The following KCNIP4 variants were observed in gnomAD, a reference collection of about 807,000 sequenced individuals.
The protein encoded by KCNIP4 is Kv channel-interacting protein 4.
In KCNIP4, 12 loss-of-function variants were observed where a neutral mutation model predicts 34.0. The ratio of observed to expected loss-of-function variants is 0.35; its 90% CI spans 0.23 to 0.57. The LOEUF is 0.57. Ranked by LOEUF, KCNIP4 falls within the 20% of genes least tolerant of loss-of-function variation. The probability of loss-of-function intolerance (pLI) is 0.83; values close to 1 mark genes in which losing one functional copy is unlikely to be tolerated. For missense variants in KCNIP4, 238 were observed against 311.7 expected (o/e 0.76, Z 1.78); for synonymous variants, 124 against 102.2 (o/e 1.21, Z -1.29).
chr4:21,218,549 T>A (rs970337022), intron 1 of KCNIP4, among the ~76,000 whole-genome samples: 1 of 152,122 alleles, frequency 6.6e-6, no homozygotes, highest in Non-Finnish European at 1.5e-5. Flanking sequence ...TGGGTCTCAG[T>A]TTTTATATCC....
rs113339066 is a variant in KCNIP4 at position 21,854,693 on chromosome 4, A to C, written c.61+93878T>G. On this transcript the variant is annotated intron_variant, in intron 1 of 8. Coordinates refer to ENST00000382152, the MANE Select transcript of KCNIP4 (RefSeq NM_025221.6). The stretch of plus-strand genomic sequence containing the variant: ...TCATCTCTAATGTTTGCTAGAATTG[A>C]CTCCTAAACCATATTCTAAGCGATT... Among the ~76,000 whole-genome samples the C allele has an allele frequency of 7.9e-3, 1,205 of 152,092 alleles. 16 individuals carry two copies. Among genetic ancestry groups the C allele is most frequent in the African/African-American group, 0.027 (1,140 of 41,474 alleles).
chr4:21,603,800 T>C (rs1743411327), intron 1 of KCNIP4, among the ~76,000 whole-genome samples: 1 of 152,132 alleles, frequency 6.6e-6, no homozygotes. Flanking sequence ...TTTAACAAAA[T>C]CAAAACTATA....
At chr4:21,178,136 A>G (rs1396393498) in intron 1 of KCNIP4, among the ~76,000 whole-genome samples, 1 of 152,104 alleles carries the variant, frequency 6.6e-6, no homozygotes, top group Non-Finnish European at 1.5e-5. Context: ...CTTCATTACA[A>G]CACAGTTTAA....
chr4:21,259,643 C>A (rs917222423), intron 1 of KCNIP4, among the ~76,000 whole-genome samples: 1 of 152,122 alleles, frequency 6.6e-6, no homozygotes, highest in African/African-American at 2.4e-5. Context: ...ATGATGGATA[C>A]AGCAATGAAG....
intron 1 of KCNIP4, among the ~76,000 whole-genome samples, chr4:21,757,868 G>A (rs529577487): frequency 5.3e-5 from 8 of 152,286 alleles, no homozygotes; most frequent in African/African-American, 1.7e-4. Context: ...CCACAGGTGA[G>A]CTGAGTATTG....
At chr4:21,327,965 A>C (rs1420358411) in intron 1 of KCNIP4, among the ~76,000 whole-genome samples, 1 of 152,098 alleles carries the variant, frequency 6.6e-6, no homozygotes, top group East Asian at 1.9e-4. Context: ...TCTCTGGGTT[A>C]TCTTGAATTA....
At chr4:21,913,516 G>C (rs1728457650) in intron 1 of KCNIP4, among the ~76,000 whole-genome samples, 1 of 152,054 alleles carries the variant, frequency 6.6e-6, no homozygotes. Flanking sequence ...CCAGCCTCCA[G>C]AACTGTGAGA....
intron 1 of KCNIP4, among the ~76,000 whole-genome samples, chr4:20,897,149 CAT>C (rs1462836777): frequency 2.6e-5 from 4 of 152,080 alleles, no homozygotes; most frequent in African/African-American, 7.2e-5. Flanking sequence ...TAATTAATCA[CAT>C]GTTTATTGAA....
Position 20,792,790 on chromosome 4 carries a change from T to C in KCNIP4, c.289-33900A>G, listed in dbSNP as rs368468911. Among the ~76,000 whole-genome samples the C allele has an allele frequency of 5.3e-5, 8 of 152,020 alleles. 1 individual carries two copies. The South Asian group carries it at 1.0e-3, about 20-fold the overall frequency. ...AATATGATAAAATTACAAAGAGAAA[T>C]AGATGCATCAAAATAGAGTCAGAAA... On this transcript the variant is annotated intron_variant, in intron 3 of 8. Transcript: ENST00000382152.
intron 1 of KCNIP4, among the ~76,000 whole-genome samples, chr4:21,039,251 A>C (rs1294882120): frequency 6.6e-6 from 1 of 151,954 alleles, no homozygotes; most frequent in Admixed American, 6.6e-5. Flanking sequence ...AATCCCAGCT[A>C]CTCAGGAGGC....
chr4:20,749,364 ATAAGGAGGTGTCAG>A (rs749634334), intron 5 of KCNIP4, among the ~76,000 whole-genome samples: 1 of 152,166 alleles, frequency 6.6e-6, no homozygotes, highest in Non-Finnish European at 1.5e-5. Context: ...CAACTGGCCC[ATAAGGAGGTGTCAG>A]TAACTGTTAG....
chr4:21,134,489 A>G (rs1751347465), intron 1 of KCNIP4, among the ~76,000 whole-genome samples: 1 of 152,214 alleles, frequency 6.6e-6, no homozygotes, highest in African/African-American at 2.4e-5. Flanking sequence ...AACGTTATAC[A>G]TGAATTTTCA....
chr4:20,986,302 C>T (rs1216238581), intron 1 of KCNIP4, among the ~76,000 whole-genome samples: 2 of 152,148 alleles, frequency 1.3e-5, no homozygotes, highest in African/African-American at 4.8e-5. Context: ...TTTTGAATAA[C>T]ATATTTATAA....
At position 21,634,223 on chromosome 4, in the gene KCNIP4, C is replaced by CAAAAAAAAAAAAAAAAAAA. The variant is rs376741978; in HGVS notation, c.61+314329_61+314347dup. Among the ~76,000 whole-genome samples, 5 of 112,486 alleles carry CAAAAAAAAAAAAAAAAAAA rather than the reference C, an allele frequency of 4.4e-5. No homozygotes were observed. The South Asian group carries it at 1.7e-3, about 38-fold the overall frequency. The allele number at this position is 112,486 out of a possible 152,430, so 73.8% of individuals were successfully genotyped here. On this transcript the variant is annotated intron_variant, in intron 1 of 8. Coordinates refer to ENST00000382152, the MANE Select transcript of KCNIP4 (RefSeq NM_025221.6). ...TTAGGAAAGCTACGGGTTCTTTCCT[C>CAAAAAAAAAAAAAAAAAAA]AAAAAAAAAAAAAAAAAAAAAAAAC...
chr4:20,858,211 CAAAAAAAAAAAAAAAAA>C (rs778798968), intron 2 of KCNIP4, among the ~76,000 whole-genome samples: 16 of 70,702 alleles, frequency 2.3e-4, no homozygotes, highest in Non-Finnish European at 3.8e-4. Context: ...AACTCCATCT[CAAAAAAAAAAAAAAAAA>C]AAAAAAAAAA....
chr4:20,976,552 T>C (rs1735508613), intron 1 of KCNIP4, among the ~76,000 whole-genome samples: 1 of 152,166 alleles, frequency 6.6e-6, no homozygotes, highest in South Asian at 2.1e-4. Flanking sequence ...TCACAGTTAG[T>C]GAATTAGGAC....
At chr4:20,987,663 C>A (rs1361279390) in intron 1 of KCNIP4, among the ~76,000 whole-genome samples, 1 of 152,088 alleles carries the variant, frequency 6.6e-6, no homozygotes, top group Non-Finnish European at 1.5e-5. Context: ...TAGCTACCAA[C>A]ATTTATGGAG....
intron 1 of KCNIP4, among the ~76,000 whole-genome samples, chr4:20,993,668 A>T (rs1737289023): frequency 6.6e-6 from 1 of 152,154 alleles, no homozygotes; most frequent in South Asian, 2.1e-4. Context: ...TGTGCCTGAG[A>T]TTGCTTATTT....
At chr4:21,295,349 C>T (rs372881461) in intron 1 of KCNIP4, among the ~76,000 whole-genome samples, 6 of 152,222 alleles carry the variant, frequency 3.9e-5, no homozygotes, top group African/African-American at 1.2e-4. Flanking sequence ...GGTACAGAAA[C>T]AATATCAGGG....
Sources: gnomAD v4.1 joint callset for allele counts (sites outside exome capture counted in the v4.1 genomes callset) on GRCh38, gnomAD v4.1.1 for gene constraint, MANE v1.5 for transcripts, NCBI Gene and HGNC (gene_info 2026-07-23, HGNC 2026-07-21) for gene names.